HLCS: variants seen among roughly 807,000 people sequenced by gnomAD.
The protein encoded by HLCS is biotin--protein ligase.
In HLCS, 53 loss-of-function variants were observed where a neutral mutation model predicts 75.0. The observed-to-expected ratio is 0.71, with a 90% CI of 0.57 to 0.89. The LOEUF (loss-of-function observed/expected upper bound fraction) is 0.89. HLCS is among the 40% of genes least tolerant of loss of function. The pLI is 0.00. For missense variants in HLCS, 966 were observed against 1,074.0 expected, an observed-to-expected ratio of 0.90 and a Z score of 1.41; for synonymous variants, 431 against 428.6, an observed-to-expected ratio of 1.01 and a Z score of -0.07.
At chr21:36,890,515 C>A (rs1342667484) in intron 6 of HLCS, among the ~76,000 whole-genome samples, 1 of 152,160 alleles carries the variant, frequency 6.6e-6, no homozygotes, top group Non-Finnish European at 1.5e-5. Flanking sequence ...GCTACTTCCT[C>A]TCCCCAGAGT....
rs1282535217 is a variant in HLCS at position 36,821,142 on chromosome 21, G to A, written c.1893-53857C>T. Among the ~76,000 whole-genome samples, 7 of 152,258 alleles carry A rather than the reference G, an allele frequency of 4.6e-5. No individual in the cohort carries two copies. The East Asian group carries it at 1.4e-3, about 29-fold the overall frequency. On this transcript the variant is annotated intron_variant, in intron 6 of 10. Coordinates refer to ENST00000674895, the MANE Select transcript of HLCS (RefSeq NM_001352514.2). The stretch of plus-strand genomic sequence containing the variant: ...GTTTATTTCCTCAGCCAAGGACTGG[G>A]GACTGGGAGACAGTCCACTTGGGTG...
chr21:36,761,152 G>T (rs548245731), intron 8 of HLCS, among the ~76,000 whole-genome samples: 3 of 152,206 alleles, frequency 2.0e-5, no homozygotes, highest in Non-Finnish European at 4.4e-5. Flanking sequence ...TGGTGCTAGC[G>T]CATCCCCAGG....
At chr21:36,909,056 C>T (rs1436923514) in intron 5 of HLCS, among the ~76,000 whole-genome samples, 3 of 152,014 alleles carry the variant, frequency 2.0e-5, no homozygotes, top group African/African-American at 4.8e-5. Context: ...ATTAGCCGGG[C>T]GTGGTGGCAG....
intron 6 of HLCS, among the ~76,000 whole-genome samples, chr21:36,888,475 TATATATATATA>T (rs2064615815): frequency 7.9e-6 from 1 of 126,066 alleles, no homozygotes; most frequent in Non-Finnish European, 1.6e-5. Flanking sequence ...TATATATATA[TATATATATATA>T]TATATATATA....
At chr21:36,987,783 G>C (rs1054445719) in intron 1 of HLCS, among the ~76,000 whole-genome samples, 3 of 151,986 alleles carry the variant, frequency 2.0e-5, no homozygotes, top group Admixed American at 2.0e-4. Flanking sequence ...CTCTCATAGT[G>C]AGGATCCCAG....
At chr21:36,840,240 T>C (rs1010452301) in intron 6 of HLCS, among the ~76,000 whole-genome samples, 3 of 152,234 alleles carry the variant, frequency 2.0e-5, no homozygotes, top group Non-Finnish European at 4.4e-5. Context: ...AAAAAATTAC[T>C]ATTCCTAAAT....
At chr21:36,864,782 T>A (rs556343350) in intron 6 of HLCS, among the ~76,000 whole-genome samples, 321 of 152,328 alleles carry the variant, frequency 2.1e-3, no homozygotes, top group Non-Finnish European at 3.4e-3. Flanking sequence ...ATGGCTAGAA[T>A]AAGACAAGGT....
intron 6 of HLCS, among the ~76,000 whole-genome samples, chr21:36,790,264 T>A (rs563192410): frequency 6.6e-6 from 1 of 151,846 alleles, no homozygotes; most frequent in Non-Finnish European, 1.5e-5. Flanking sequence ...ATTAGCTGGG[T>A]GTGGTGGGGT....
At chr21:36,895,376 C>T (rs547205793) in intron 6 of HLCS, among the ~76,000 whole-genome samples, 6 of 152,270 alleles carry the variant, frequency 3.9e-5, no homozygotes, top group Admixed American at 2.6e-4. Context: ...TCTAAAAGAA[C>T]AGGCTTTTTC....
At chr21:36,963,353 A>G (rs8131277) in intron 1 of HLCS, among the ~76,000 whole-genome samples, 1,697 of 152,348 alleles carry the variant, frequency 0.011, 29 homozygotes, top group African/African-American at 0.039. Flanking sequence ...ACTGTGCTGC[A>G]TATCAGTTCA....
intron 6 of HLCS, among the ~76,000 whole-genome samples, chr21:36,867,598 T>C (rs1299965032): frequency 6.6e-6 from 1 of 152,174 alleles, no homozygotes; most frequent in African/African-American, 2.4e-5. Context: ...CTTTGTCTTA[T>C]CTGCTGTGTG....
chr21:36,926,301 C>T (rs2066403892), intron 5 of HLCS, among the ~76,000 whole-genome samples: 1 of 152,240 alleles, frequency 6.6e-6, no homozygotes, highest in Admixed American at 6.5e-5. Flanking sequence ...CACACACCAA[C>T]TCAGAGCTCA....
intron 6 of HLCS, among the ~76,000 whole-genome samples, chr21:36,826,054 G>A (rs1476497800): frequency 2.6e-5 from 4 of 151,914 alleles, no homozygotes; most frequent in Admixed American, 6.6e-5. Flanking sequence ...AGAAACAAAT[G>A]AAAGAATCCC....
At chr21:36,932,218 AGTGTTTTG>A (rs2066679367) in intron 4 of HLCS, among the ~76,000 whole-genome samples, 1 of 152,144 alleles carries the variant, frequency 6.6e-6, no homozygotes, top group African/African-American at 2.4e-5. Flanking sequence ...TCAGTGTTTC[AGTGTTTTG>A]GCCTTTATTT....
At chr21:36,921,521 A>G (rs537662456) in intron 5 of HLCS, among the ~76,000 whole-genome samples, 6 of 152,366 alleles carry the variant, frequency 3.9e-5, no homozygotes, top group Admixed American at 2.6e-4. Context: ...TGTAGGAGGC[A>G]GGTTGAATTA....
At position 36,752,867 on chromosome 21, in the gene HLCS, T is replaced by C. The variant is rs926377249; in HGVS notation, c.*1379A>G. On this transcript the variant is annotated 3_prime_UTR_variant, in exon 11 of 11. Transcript: ENST00000674895. ...GACCTGGATAAAGATGGTGCTAGTTTACAATGAAGGGATTTTGTTCAAAGC... is the reference window on the plus strand; with the variant it reads ...GACCTGGATAAAGATGGTGCTAGTTCACAATGAAGGGATTTTGTTCAAAGC... 2 of 152,316 alleles carry C rather than the reference T, an allele frequency of 1.3e-5. No homozygotes were observed. Among genetic ancestry groups the C allele is most frequent in the African/African-American group, 4.8e-5 (2 of 41,468 alleles). The allele number at this position is 152,316 out of a possible 1,614,324, so 9.4% of individuals were successfully genotyped here. A position where few individuals can be genotyped will look rare whatever the true frequency, so the allele number is the denominator to read the frequency against.
At chr21:36,989,443 C>A (rs565537254) in intron 1 of HLCS, among the ~76,000 whole-genome samples, 2 of 151,560 alleles carry the variant, frequency 1.3e-5, no homozygotes, top group East Asian at 3.9e-4. Flanking sequence ...CCTGCCTCAG[C>A]CTCCTGAGTA....
rs188528272 is a variant in HLCS, at chr21:36,898,815, C to T, written c.1621-1684G>A. 1.9e-3 allele frequency among the ~76,000 whole-genome samples: 286 copies of T among 152,254 alleles called. 1 individual carries two copies. The highest frequency in any genetic ancestry group is 8.3e-3 in the South Asian group (40 of 4,820). On this transcript the variant is annotated intron_variant, in intron 5 of 10. Coordinates refer to ENST00000674895, the MANE Select transcript of HLCS (RefSeq NM_001352514.2). ...GTGGCTCACACCTGTAATCCCAGCACTTTGGGAGGCTGAGGCAGGCGAATT... is the reference window on the plus strand; with the variant it reads ...GTGGCTCACACCTGTAATCCCAGCATTTTGGGAGGCTGAGGCAGGCGAATT...
At chr21:36,864,116 CA>C (rs1364002598) in intron 6 of HLCS, among the ~76,000 whole-genome samples, 1 of 152,170 alleles carries the variant, frequency 6.6e-6, no homozygotes, top group Non-Finnish European at 1.5e-5. Context: ...AGTGCATGAA[CA>C]GGCTGGGTTT....
Sources: allele counts gnomAD v4.1 joint callset (sites outside exome capture counted in the v4.1 genomes callset), GRCh38; gene constraint gnomAD v4.1.1; transcripts MANE v1.5; gene names NCBI Gene and HGNC (gene_info 2026-07-23, HGNC 2026-07-21).